TMEM181: variants seen among roughly 807,000 people sequenced by gnomAD.
The protein encoded by TMEM181 is G protein-coupled receptor 178.
TMEM181 carries 39 observed loss-of-function variants against 71.9 expected under a neutral mutation model. The ratio of observed to expected loss-of-function variants is 0.54; its 90% CI spans 0.42 to 0.71. The LOEUF (loss-of-function observed/expected upper bound fraction) is 0.71. Ranked by LOEUF, TMEM181 falls within the 30% of genes least tolerant of loss-of-function variation. The pLI, the probability that TMEM181 is intolerant of heterozygous loss-of-function variation, is 0.00. For missense variants in TMEM181, 595 were observed against 583.0 expected (o/e 1.02, Z -0.21); for synonymous variants, 245 against 228.8 (o/e 1.07, Z -0.64).
At chr6:158,607,720 C>T (rs1785028451) in intron 8 of TMEM181, among the ~76,000 whole-genome samples, 1 of 152,176 alleles carries the variant, frequency 6.6e-6, no homozygotes, top group Non-Finnish European at 1.5e-5. Context: ...ATGGCCTAGG[C>T]CCAGAAGAGC....
Position 158,584,016 on chromosome 6 carries a change from A to C in TMEM181, c.231A>C (p.Thr77=), listed in dbSNP as rs562108994. 2 of 1,612,370 alleles carry C rather than the reference A, an allele frequency of 1.2e-6. No homozygotes were observed. Among genetic ancestry groups the C allele is most frequent in the Non-Finnish European group, 8.5e-7 (1 of 1,179,028 alleles). Residue 77 remains threonine, a synonymous_variant, in exon 4 of 17, where the codon ACA becomes ACC. Transcript: ENST00000684151. ...CATACAATCAGCAACTATGGCTGACATGTGTTGTTGAGTTGGATCAATCAA... is the reference window on the plus strand; with the variant it reads ...CATACAATCAGCAACTATGGCTGACCTGTGTTGTTGAGTTGGATCAATCAA... The part of the protein sequence containing the change: ...LSTYNQQLWL[T]CVVELDQSKE...
intron 1 of TMEM181, among the ~76,000 whole-genome samples, chr6:158,549,225 C>T (rs993450434): frequency 6.9e-6 from 1 of 145,374 alleles, no homozygotes; most frequent in Non-Finnish European, 1.5e-5. Context: ...TCAAGCAATT[C>T]TTCTGCCTCA....
rs1782071017 is a variant in TMEM181 at position 158,560,137 on chromosome 6, CGGCTGCGGCTGCCGCTGCCGA to C, written c.-81_-61del. On this transcript the variant is annotated 5_prime_UTR_variant, in exon 1 of 17. Transcript: ENST00000684151. Reference sequence around the variant, plus strand: ...TGCTCAGCCGCTGTCGCTCCGGCTCCGGCTGCGGCTGCCGCTGCCGAGGCTGCTGCGCGGCGCCTGGCGGGC... The same window carrying C: ...TGCTCAGCCGCTGTCGCTCCGGCTCCGGCTGCTGCGCGGCGCCTGGCGGGC... 1.0e-6 allele frequency: 1 copy of C among 984,722 alleles called. No individual in the cohort carries two copies. The highest frequency in any genetic ancestry group is 1.2e-6 in the Non-Finnish European group (1 of 829,706). 61.0% of individuals were successfully genotyped at this position (984,722 alleles called of 1,614,324 possible).
intron 1 of TMEM181, among the ~76,000 whole-genome samples, chr6:158,537,265 G>C (rs915390430): frequency 2.6e-5 from 4 of 152,060 alleles, no homozygotes; most frequent in Admixed American, 1.3e-4. Context: ...GGCGCAGTCT[G>C]GGGAGGCGAC....
intron 3 of TMEM181, among the ~76,000 whole-genome samples, chr6:158,582,315 C>A (rs901202623): frequency 6.6e-6 from 1 of 152,192 alleles, no homozygotes; most frequent in Non-Finnish European, 1.5e-5. Context: ...AACTGACTTG[C>A]TTCCAAGAGA....
intron 5 of TMEM181, among the ~76,000 whole-genome samples, chr6:158,588,926 G>A (rs752566925): frequency 1.3e-5 from 2 of 152,212 alleles, no homozygotes; most frequent in African/African-American, 2.4e-5. Flanking sequence ...AGGCAGGGCC[G>A]GGGCAGAGCT....
At chr6:158,607,118 G>A (rs892892672) in intron 7 of TMEM181, 126 bp from the exon 8 acceptor site, 5 of 734,022 alleles carry the variant, frequency 6.8e-6, no homozygotes, top group South Asian at 6.5e-5. Context: ...TTAAGGCAGC[G>A]ACTCTTAGTG....
intron 11 of TMEM181, among the ~76,000 whole-genome samples, chr6:158,624,781 C>T (rs1786174866): frequency 6.6e-6 from 1 of 152,194 alleles, no homozygotes; most frequent in Non-Finnish European, 1.5e-5. Flanking sequence ...AGCCCCTCGC[C>T]CCCAGGGGCG....
At chr6:158,548,207 G>A (rs1324988567) in intron 1 of TMEM181, among the ~76,000 whole-genome samples, 1 of 152,114 alleles carries the variant, frequency 6.6e-6, no homozygotes, top group Non-Finnish European at 1.5e-5. Context: ...TGTTTGTCCC[G>A]AAGCTCTGGC....
chr6:158,572,411 G>A (rs1397844383), intron 1 of TMEM181: 6 of 456,606 alleles, frequency 1.3e-5, no homozygotes, highest in Admixed American at 2.3e-5. Context: ...CAGAACATGC[G>A]AGGACAACAG....
At chr6:158,595,978 G>GT (rs1784367809) in intron 6 of TMEM181, among the ~76,000 whole-genome samples, 1 of 152,102 alleles carries the variant, frequency 6.6e-6, no homozygotes, top group South Asian at 2.1e-4. Flanking sequence ...CTGGAGTGCA[G>GT]TGGCGCGATC....
At chr6:158,594,069 C>CT (rs1784257815) in intron 6 of TMEM181, among the ~76,000 whole-genome samples, 1 of 149,024 alleles carries the variant, frequency 6.7e-6, no homozygotes, top group East Asian at 1.9e-4. Context: ...CTGGCAACCA[C>CT]TTGTCTTTTT....
intron 1 of TMEM181, among the ~76,000 whole-genome samples, chr6:158,546,776 G>T (rs1028198552): frequency 5.3e-5 from 8 of 151,836 alleles, no homozygotes; most frequent in Non-Finnish European, 1.2e-4. Flanking sequence ...TGGCCAATAT[G>T]GTGTGAAACC....
chr6:158,581,133 A>G (rs1426125125), intron 3 of TMEM181, 138 bp downstream of exon 3: 2 of 780,724 alleles, frequency 2.6e-6, no homozygotes, highest in Admixed American at 2.6e-5. Flanking sequence ...TTCTTCTTCC[A>G]TTGTCAGCTG....
intron 15 of TMEM181, 65 bp downstream of exon 15, chr6:158,629,884 G>A (rs549747336): frequency 3.3e-5 from 44 of 1,345,720 alleles, no homozygotes; most frequent in South Asian, 1.9e-4. Flanking sequence ...GTTCATCCAC[G>A]ACCCACTTCC....
At chr6:158,631,092 A>C (rs1786637611) in intron 15 of TMEM181, among the ~76,000 whole-genome samples, 1 of 152,218 alleles carries the variant, frequency 6.6e-6, no homozygotes, top group Admixed American at 6.5e-5. Context: ...TCCTTCCCAC[A>C]GGCCGCCTCC....
chr6:158,599,726 C>T (rs1175387121), intron 6 of TMEM181, among the ~76,000 whole-genome samples: 1 of 152,168 alleles, frequency 6.6e-6, no homozygotes, highest in Non-Finnish European at 1.5e-5. Flanking sequence ...CTCACGGGAT[C>T]CAGCGCGCCT....
intron 1 of TMEM181, among the ~76,000 whole-genome samples, chr6:158,545,662 GTT>G (rs113910744): frequency 1.4e-5 from 2 of 145,088 alleles, no homozygotes; most frequent in South Asian, 2.2e-4. Context: ...TTCTTTTTTA[GTT>G]TTTTTTTTTT....
intron 1 of TMEM181, chr6:158,537,016 G>C (rs930382173): frequency 2.6e-6 from 1 of 383,752 alleles, no homozygotes; most frequent in African/African-American, 2.2e-5. Flanking sequence ...ACGGGGTCGG[G>C]GCGGGGATCT....
Sources: allele counts gnomAD v4.1 joint callset (sites outside exome capture counted in the v4.1 genomes callset), GRCh38; gene constraint gnomAD v4.1.1; transcripts MANE v1.5; gene names NCBI Gene and HGNC (gene_info 2026-07-23, HGNC 2026-07-21).